The following TSPOAP1 variants were observed in gnomAD, a reference collection of about 807,000 sequenced individuals.
TSPOAP1 encodes the protein TSPO associated protein 1.
A neutral mutation model predicts 197.0 loss-of-function variants in TSPOAP1; 87 were observed. The observed-to-expected ratio is 0.44, with a 90% confidence interval of 0.37 to 0.53. TSPOAP1 has a LOEUF of 0.53. Among genes scored for constraint, TSPOAP1 ranks in the 20% least tolerant of loss-of-function variants. The probability of loss-of-function intolerance (pLI) is 0.00; values close to 1 mark genes in which losing one functional copy is unlikely to be tolerated. For synonymous variants in TSPOAP1, 913 were observed against 998.9 expected (o/e 0.91, Z 1.62); for missense variants, 2,174 against 2,411.3 (o/e 0.90, Z 2.06).
intron 22 of TSPOAP1, 136 bp downstream of exon 22, chr17:58,308,405 G>A: frequency 2.3e-6 from 3 of 1,303,996 alleles, no homozygotes; most frequent in Admixed American, 2.5e-5. Context: ...GGAGGCAGGT[G>A]AGGGAGCCCG....
intron 16 of TSPOAP1, 123 bp downstream of exon 16, chr17:58,315,900 G>GATGA: frequency 1.4e-6 from 1 of 733,742 alleles, no homozygotes; most frequent in South Asian, 1.6e-5. Flanking sequence ...GGGATGGATG[G>GATGA]ATGGATGGAT....
rs773188864 is a variant in TSPOAP1, at chr17:58,308,571, C to G, written c.4701G>C (p.Ala1567=). The G allele has an allele frequency of 2.6e-6, 4 of 1,555,100 alleles. No individual in the cohort carries two copies. The highest frequency in any genetic ancestry group is 2.6e-6 in the Non-Finnish European group (3 of 1,148,224). ...KGEPERRGRS[A]TGRAKEPLSR... is the part of the protein sequence containing the mutation. The stretch of plus-strand genomic sequence containing the variant: ...AGAGTGGCTCCTTGGCTCTGCCCGT[C>G]GCACTGCGGCCTCTCCGCTCTGGTT... The change falls in exon 22 of 32, where the codon GCG becomes GCC. Residue 1567 remains alanine, a synonymous_variant. Transcript: ENST00000343736.
Position 58,305,106 on chromosome 17 carries a change from T to G in TSPOAP1, c.5499A>C (p.Ala1833=). 1 of 1,614,016 alleles carries G rather than the reference T, an allele frequency of 6.2e-7. No individual in the cohort carries two copies. Among genetic ancestry groups the G allele is most frequent in the South Asian group, 1.1e-5 (1 of 91,082 alleles). ...SNFLEGPGPE[A]GGLDREPRTP... is the part of the protein sequence containing the mutation. ...TCCTGGGTTCCCTGTCCAGGCCGCC[T>G]GCCTCAGGCCCAGGGCCCTCCAGGA... The change falls in exon 30 of 32, where the codon GCA becomes GCC. Residue 1833 remains alanine (A), a synonymous_variant. Transcript: ENST00000343736.
In TSPOAP1 at chr17:58,309,164, C is replaced by T. The variant is rs1404600434; in HGVS notation, c.4108G>A (p.Asp1370Asn). 6.2e-7 allele frequency: 1 copy of T among 1,613,892 alleles called. No homozygotes were observed. Among genetic ancestry groups the T allele is most frequent in the African/African-American group, 1.3e-5 (1 of 74,932 alleles). Residue 1370 changes from aspartate (D) to asparagine (N), a missense_variant, in exon 22 of 32, where the codon GAC (aspartate) becomes AAC (asparagine). Physicochemically the swap from Asp to Asn is conservative, Grantham distance 23 (BLOSUM62 1). Coordinates refer to ENST00000343736, the MANE Select transcript of TSPOAP1 (RefSeq NM_004758.4). This position sits in a 1 kb window ranked among gnomAD's most constrained non-coding sequence, Gnocchi z 5.0. ...PEPALLGLGC[D>N]SGQPRRPGQC... is the part of the protein sequence containing the mutation. ...CCAGGTCTTCGGGGCTGACCACTGTCACAGCCCAGCCCCAGCAATGCAGGT... is the reference window on the plus strand; with the variant it reads ...CCAGGTCTTCGGGGCTGACCACTGTTACAGCCCAGCCCCAGCAATGCAGGT...
rs1567843657 is a variant in TSPOAP1 at position 58,312,553 on chromosome 17, G to C, written c.2268C>G (p.Gly756=). The C allele has an allele frequency of 6.2e-7, 1 of 1,608,410 alleles. No individual in the cohort carries two copies. Among genetic ancestry groups the C allele is most frequent in the African/African-American group, 1.3e-5 (1 of 74,934 alleles). Residue 756 remains glycine (G), a synonymous_variant, in exon 17 of 32, where the codon GGC becomes GGG. Coordinates refer to ENST00000343736, the MANE Select transcript of TSPOAP1 (RefSeq NM_004758.4). The stretch of plus-strand genomic sequence containing the variant: ...GCTGGCTCCTTCCCACACTGCTTTG[G>C]CCCCCGCTACTGCTGCCACCCCCAC... ...SVGGGGSSSG[G]QSSVGRSQPR... is the part of the protein sequence containing the mutation.
chr17:58,314,300 A>C (rs1184747168), intron 16 of TSPOAP1, among the ~76,000 whole-genome samples: 1 of 152,258 alleles, frequency 6.6e-6, no homozygotes, highest in African/African-American at 2.4e-5. Context: ...GTGGCCGCCC[A>C]AAAACATGTC....
chr17:58,328,066 C>T lies in TSPOAP1; in HGVS notation c.-146G>A. On this transcript the variant is annotated 5_prime_UTR_variant, in exon 1 of 32. Transcript: ENST00000343736. The surrounding 1 kb of genome is among the most constrained non-coding windows in gnomAD (Gnocchi z 4.3). ...CCATCCAAGGTTGGCTGAGCTCTTC[C>T]CCACCCACAAAGGAGGCTGCAGAAG... is the stretch of plus-strand genomic sequence containing the variant. The T allele has an allele frequency of 1.3e-6, 1 of 749,722 alleles. No homozygotes were observed. Among genetic ancestry groups the T allele is most frequent in the Non-Finnish European group, 2.1e-6 (1 of 474,700 alleles). 46.4% of individuals were successfully genotyped at this position (749,722 alleles called of 1,614,324 possible).
chr17:58,314,722 C>CGATCATAAGCA (rs1971171705), intron 16 of TSPOAP1, among the ~76,000 whole-genome samples: 1 of 152,222 alleles, frequency 6.6e-6, no homozygotes, highest in Non-Finnish European at 1.5e-5. Context: ...CCCTAGGAAA[C>CGATCATAAGCA]GATCATAAGC....
In TSPOAP1 at chr17:58,310,100, C is replaced by T. The variant is rs372749390; in HGVS notation, c.3758G>A (p.Arg1253His). ...CTGGATGTCTGACAGGTCTGAGTTG[C>T]GGCCGTGGTCCACGAGGGAGTTCAC... ...HLVNSLVDHG[R>H]NSDLSDIQEE... Residue 1253 changes from arginine to histidine, a missense_variant, in exon 21 of 32, where the codon CGC becomes CAC. Around this residue, in one of 5 missense-constraint regions of TSPOAP1, gnomAD observed 1,933 missense variants for 2,139.0 expected, o/e 0.90. Coordinates refer to ENST00000343736, the MANE Select transcript of TSPOAP1 (RefSeq NM_004758.4). 7.0e-4 allele frequency: 1,136 copies of T among 1,613,380 alleles called. 13 individuals are homozygous for T. In the South Asian group the frequency reaches 9.5e-3, roughly 13 times the overall value.
In TSPOAP1 at chr17:58,306,961, C is replaced by T; in HGVS notation, c.4991G>A (p.Gly1664Glu). ...FREGQILKVF[G>E]DKDADGFYQG... ...GTAGAAGCCATCGGCATCCTTGTCC[C>T]CAAACACCTGGAGGCAAAACCAGTG... Residue 1664 changes from glycine to glutamate, a missense_variant, in exon 25 of 32, where the codon GGG becomes GAG. This residue lies in a region of TSPOAP1 where 16 missense variants were observed against 38.8 expected (regional missense o/e 0.41). Coordinates refer to ENST00000343736, the MANE Select transcript of TSPOAP1 (RefSeq NM_004758.4). 1 of 1,612,144 alleles carries T rather than the reference C, an allele frequency of 6.2e-7. No individual in the cohort carries two copies. Among genetic ancestry groups the T allele is most frequent in the South Asian group, 1.1e-5 (1 of 91,066 alleles).
chr17:58,306,605 T>A (rs777362134), intron 25 of TSPOAP1, 192 bp from the exon 26 acceptor site: 8 of 899,284 alleles, frequency 8.9e-6, no homozygotes, highest in African/African-American at 3.4e-5. Context: ...TGTATTCCCC[T>A]CTGCAACAGA....
intron 25 of TSPOAP1, 26 bp downstream of exon 25, chr17:58,306,774 G>A (rs1970907839): frequency 6.3e-7 from 1 of 1,594,590 alleles, no homozygotes; most frequent in Non-Finnish European, 8.6e-7. Context: ...GGTGGGAGGT[G>A]GGTGAGGGAC....
Position 58,326,945 on chromosome 17 carries a change from G to T in TSPOAP1, c.334-155C>A, listed in dbSNP as rs1163947543. Among the ~76,000 whole-genome samples the T allele has an allele frequency of 1.3e-5, 2 of 152,234 alleles. No homozygotes were observed. Among genetic ancestry groups the T allele is most frequent in the East Asian group, 3.9e-4 (2 of 5,174 alleles). ...AGGCCTTCAGAGAGGAGCAGAGGAGGCCTAGGAGAAGGAACTGTCCAGTCC... is the reference window on the plus strand; with the variant it reads ...AGGCCTTCAGAGAGGAGCAGAGGAGTCCTAGGAGAAGGAACTGTCCAGTCC... On this transcript the variant is annotated intron_variant, in intron 1 of 31. Coordinates refer to ENST00000343736, the MANE Select transcript of TSPOAP1 (RefSeq NM_004758.4). The surrounding 1 kb of genome is among the most constrained non-coding windows in gnomAD (Gnocchi z 4.7).
Position 58,307,782 on chromosome 17 carries a change from G to T in TSPOAP1, c.4832-20C>A. Reference sequence around the variant, plus strand: ...CAGGGACTGTGGAGACAGTGGAGAGGGCGGTGACGCAGCGAGCTCTGGCCG... The same window carrying T: ...CAGGGACTGTGGAGACAGTGGAGAGTGCGGTGACGCAGCGAGCTCTGGCCG... On this transcript the variant is annotated intron_variant, in intron 23 of 31. Coordinates refer to ENST00000343736, the MANE Select transcript of TSPOAP1 (RefSeq NM_004758.4). The T allele has an allele frequency of 6.2e-7, 1 of 1,613,878 alleles. No individual in the cohort carries two copies. The highest frequency in any genetic ancestry group is 1.1e-5 in the South Asian group (1 of 91,088).
chr17:58,302,043 C>G lies in TSPOAP1; in HGVS notation c.*437G>C. On this transcript the variant is annotated 3_prime_UTR_variant, in exon 32 of 32. Transcript: ENST00000343736. ...GGTCAAGTTACATACTCACTGTGGG[C>G]TCAGTTTCCCCTCCTGTAGGAGGAA... is the stretch of plus-strand genomic sequence containing the variant. 1 of 345,522 alleles carries G rather than the reference C, an allele frequency of 2.9e-6. No individual in the cohort carries two copies. The highest frequency in any genetic ancestry group is 5.4e-6 in the Non-Finnish European group (1 of 183,808). 21.4% of individuals were successfully genotyped at this position (345,522 alleles called of 1,614,324 possible).
At position 58,326,414 on chromosome 17, in the gene TSPOAP1, C is replaced by T. The variant is rs912762571; in HGVS notation, c.449G>A (p.Ser150Asn). 1 of 1,613,650 alleles carries T rather than the reference C, an allele frequency of 6.2e-7. No homozygotes were observed. The change falls in exon 3 of 32, where the codon AGC becomes AAC. Residue 150 changes from serine to asparagine, a missense_variant. Physicochemically the swap from Ser to Asn is conservative, Grantham distance 46. Transcript: ENST00000343736. The surrounding 1 kb of genome is among the most constrained non-coding windows in gnomAD (Gnocchi z 4.7). Reference protein sequence around the residue: ...LKEENQMLRKSSFPETEEKVR... With the variant: ...LKEENQMLRKNSFPETEEKVR... ...CTTCTCTTCTGTCTCAGGGAAGCTG[C>T]TCTTCCTCTGACAAGGGGTCAGGCA...
In TSPOAP1 at chr17:58,308,621, G is replaced by A. The variant is rs748011478; in HGVS notation, c.4651C>T (p.Arg1551Cys). The change falls in exon 22 of 32, where the codon CGC (arginine) becomes TGC (cysteine). Residue 1551 changes from arginine (R) to cysteine (C), a missense_variant. This residue lies in a region of TSPOAP1 where 1,933 missense variants were observed against 2,139.0 expected (regional missense o/e 0.90). Coordinates refer to ENST00000343736, the MANE Select transcript of TSPOAP1 (RefSeq NM_004758.4). ...TCCCCTTTCTCCCAGGCTGGGAGGCGTGGGTAGGGCTTGGGGCCTGAATTG... is the reference window on the plus strand; with the variant it reads ...TCCCCTTTCTCCCAGGCTGGGAGGCATGGGTAGGGCTTGGGGCCTGAATTG... ...KANSGPKPYP[R>C]LPAWEKGEPE... is the part of the protein sequence containing the mutation. The A allele has an allele frequency of 1.2e-5, 20 of 1,601,278 alleles. No individual in the cohort carries two copies. Among genetic ancestry groups the A allele is most frequent in the Non-Finnish European group, 1.5e-5 (17 of 1,171,642 alleles).
At chr17:58,302,501 C>T in intron 31 of TSPOAP1, 54 bp from the exon 32 acceptor site, 1 of 1,164,172 alleles carries the variant, frequency 8.6e-7, no homozygotes, top group South Asian at 1.6e-5. Flanking sequence ...TCCTGACCCC[C>T]TGACCCATTT....
chr17:58,304,862 T>C lies in TSPOAP1; in HGVS notation c.5544+199A>G. ...GTCAGGGTCACAGCTATCATCCCTC[T>C]GCAGAGAGGGGCACATACTGGGGGG... On this transcript the variant is annotated intron_variant, in intron 30 of 31. Coordinates refer to ENST00000343736, the MANE Select transcript of TSPOAP1 (RefSeq NM_004758.4). The surrounding 1 kb of genome is among the most constrained non-coding windows in gnomAD (Gnocchi z 4.2). 1.5e-6 allele frequency: 1 copy of C among 688,196 alleles called. No homozygotes were observed. Among genetic ancestry groups the C allele is most frequent in the South Asian group, 1.5e-5 (1 of 65,492 alleles). 42.6% of individuals were successfully genotyped at this position (688,196 alleles called of 1,614,324 possible).
Sources: allele counts gnomAD v4.1 joint callset (sites outside exome capture counted in the v4.1 genomes callset), GRCh38; gene constraint gnomAD v4.1.1; regional missense constraint gnomAD v4.1.1; non-coding constraint Gnocchi (gnomAD v3.1); transcripts MANE v1.5; gene names NCBI Gene and HGNC (gene_info 2026-07-23, HGNC 2026-07-21).